Variants in TP73 observed in about 807,000 individuals in gnomAD.
The protein encoded by TP73 is tumor protein p73.
TP73 carries 25 observed loss-of-function variants against 62.5 expected under a neutral mutation model. That is an observed-to-expected ratio of 0.40 (90% CI 0.29 to 0.56). The LOEUF (loss-of-function observed/expected upper bound fraction) is 0.56. TP73 is among the 20% of genes least tolerant of loss of function. The pLI is 0.46. For synonymous variants in TP73, 423 were observed against 377.5 expected, an observed-to-expected ratio of 1.12 and a Z score of -1.40; for missense variants, 754 against 913.3, an observed-to-expected ratio of 0.83 and a Z score of 2.25.
In TP73 at chr1:3,728,326, C is replaced by T. The variant is rs1641850379; in HGVS notation, c.1074+109C>T. The T allele has an allele frequency of 9.6e-6, 11 of 1,143,054 alleles. 1 individual carries two copies. Among genetic ancestry groups the T allele is most frequent in the African/African-American group, 3.1e-5 (2 of 65,366 alleles). The allele number at this position is 1,143,054 out of a possible 1,614,324, so 70.8% of individuals were successfully genotyped here. A position where few individuals can be genotyped will look rare whatever the true frequency, so the allele number is the denominator to read the frequency against. Reference sequence around the variant, plus strand: ...ACTCTGGAGACCATGGTGGAGGGGGCGGGAGGAGCCCAGCCCTGTGTGAGA... The same window carrying T: ...ACTCTGGAGACCATGGTGGAGGGGGTGGGAGGAGCCCAGCCCTGTGTGAGA... On this transcript the variant is annotated intron_variant, in intron 9 of 13. Coordinates refer to ENST00000378295, the MANE Select transcript of TP73 (RefSeq NM_005427.4).
intron 1 of TP73, among the ~76,000 whole-genome samples, chr1:3,658,523 G>C (rs943385371): frequency 1.4e-5 from 2 of 141,096 alleles, no homozygotes; most frequent in Non-Finnish European, 3.1e-5. Flanking sequence ...AAACGTCTGG[G>C]CATAAAGGCT....
chr1:3,698,140 T>A (rs1205747222), intron 3 of TP73: 22 of 985,262 alleles, frequency 2.2e-5, no homozygotes, highest in Non-Finnish European at 2.5e-5. Flanking sequence ...CTGATTCACA[T>A]CTGCAGGACA....
rs1329875512 is a variant in TP73, at chr1:3,729,530, A to G, written c.1196+82A>G. 6 of 1,600,490 alleles carry G rather than the reference A, an allele frequency of 3.7e-6. No individual in the cohort carries two copies. The East Asian group carries it at 1.1e-4, about 30-fold the overall frequency. On this transcript the variant is annotated intron_variant, in intron 10 of 13. Coordinates refer to ENST00000378295, the MANE Select transcript of TP73 (RefSeq NM_005427.4). The stretch of plus-strand genomic sequence containing the variant: ...CAGGAGAAGGCCAGGAGGACCAGAA[A>G]CCCCTCCAGAAGGCATCATCTGCCA...
chr1:3,723,697 C>T lies in TP73; in HGVS notation c.732+228C>T, dbSNP rs866860935. On this transcript the variant is annotated intron_variant, in intron 6 of 13. Transcript: ENST00000378295. Reference sequence around the variant, plus strand: ...TGCTGCTCTGTCCCCACATCCGCCTCGGGCACTCTCGGGGCCTCAGTGTGC... The same window carrying T: ...TGCTGCTCTGTCCCCACATCCGCCTTGGGCACTCTCGGGGCCTCAGTGTGC... Among the ~76,000 whole-genome samples the T allele has an allele frequency of 3.3e-5, 5 of 152,250 alleles. No individual in the cohort carries two copies. The South Asian group carries it at 1.0e-3, about 31-fold the overall frequency.
At chr1:3,688,701 C>G (rs1645729484) in intron 3 of TP73, among the ~76,000 whole-genome samples, 1 of 152,212 alleles carries the variant, frequency 6.6e-6, no homozygotes, top group South Asian at 2.1e-4. Flanking sequence ...CGCTCTGGGG[C>G]AGAGGCCAGT....
At chr1:3,677,715 T>C (rs1645406645) in intron 1 of TP73, among the ~76,000 whole-genome samples, 1 of 148,570 alleles carries the variant, frequency 6.7e-6, no homozygotes, top group South Asian at 2.2e-4. Flanking sequence ...TTTTTTAGAG[T>C]TGTGGTCTAG....
At chr1:3,656,629 G>A (rs1644870902) in intron 1 of TP73, among the ~76,000 whole-genome samples, 1 of 152,184 alleles carries the variant, frequency 6.6e-6, no homozygotes, top group Non-Finnish European at 1.5e-5. Context: ...TACGGGAGTG[G>A]GGACTCCAGC....
At chr1:3,703,185 CAG>C (rs898558259) in intron 3 of TP73, among the ~76,000 whole-genome samples, 4 of 152,222 alleles carry the variant, frequency 2.6e-5, no homozygotes, top group African/African-American at 4.8e-5. Context: ...GGGGGTGTGA[CAG>C]GGGCGGTGAC....
chr1:3,663,437 T>C lies in TP73; in HGVS notation c.-34+10796T>C, dbSNP rs1048902781. ...AGCGTGATGAAAGGATACAGGCGGC[T>C]GGGCGTGGTGGCTCACGCCTGTAAT... On this transcript the variant is annotated intron_variant, in intron 1 of 13. Transcript: ENST00000378295. The surrounding 1 kb of genome is among the most constrained non-coding windows in gnomAD (Gnocchi z 4.7). 6.6e-6 allele frequency among the ~76,000 whole-genome samples: 1 copy of C among 152,164 alleles called. No individual in the cohort carries two copies. The highest frequency in any genetic ancestry group is 1.5e-5 in the Non-Finnish European group (1 of 68,006).
At chr1:3,717,288 C>T (rs1211808303) in intron 4 of TP73, among the ~76,000 whole-genome samples, 1 of 152,130 alleles carries the variant, frequency 6.6e-6, no homozygotes, top group Non-Finnish European at 1.5e-5. Context: ...CCAGGGCTCC[C>T]AGCCAGGCCG....
rs1159020436 is a variant in TP73, at chr1:3,732,773, G to A, written c.1605G>A (p.Glu535=). 1.1e-5 allele frequency: 17 copies of A among 1,592,162 alleles called. No individual in the cohort carries two copies. Among genetic ancestry groups the A allele is most frequent in the South Asian group, 9.0e-5 (8 of 88,944 alleles). The change falls in exon 14 of 14, where the codon GAG becomes GAA. Residue 535 remains glutamate (E), a synonymous_variant. Transcript: ENST00000378295. ...IEDLGALKIP[E]QYRMTIWRGL... is the part of the protein sequence containing the mutation. ...ACCTGGGGGCCCTGAAGATCCCCGA[G>A]CAGTACCGCATGACCATCTGGCGGG...
At chr1:3,727,028 G>C in intron 6 of TP73, 87 bp from the exon 7 acceptor site, 1 of 1,150,586 alleles carries the variant, frequency 8.7e-7, no homozygotes, top group Non-Finnish European at 1.3e-6. Context: ...GTGGAGCCAG[G>C]ACCAGACATG....
At chr1:3,692,900 C>T (rs1044159245) in intron 3 of TP73, among the ~76,000 whole-genome samples, 1 of 152,188 alleles carries the variant, frequency 6.6e-6, no homozygotes, top group Admixed American at 6.5e-5. Context: ...GCAGGAGCTG[C>T]TGGTGTCCAC....
In TP73 at chr1:3,733,187, G is replaced by C; in HGVS notation, c.*108G>C. ...TCAGGAGGCAGGACCTTCGGGCTGTGCCCGGGGAAAGGCAAGGTCCGGCCC... is the reference window on the plus strand; with the variant it reads ...TCAGGAGGCAGGACCTTCGGGCTGTCCCCGGGGAAAGGCAAGGTCCGGCCC... On this transcript the variant is annotated 3_prime_UTR_variant, in exon 14 of 14. Transcript: ENST00000378295. 1 of 1,318,606 alleles carries C rather than the reference G, an allele frequency of 7.6e-7. No homozygotes were observed. The highest frequency in any genetic ancestry group is 2.5e-5 in the East Asian group (1 of 39,336). The allele number at this position is 1,318,606 out of a possible 1,614,324, so 81.7% of individuals were successfully genotyped here.
At chr1:3,695,734 C>T (rs1363647182) in intron 3 of TP73, among the ~76,000 whole-genome samples, 1 of 152,254 alleles carries the variant, frequency 6.6e-6, no homozygotes, top group East Asian at 1.9e-4. Context: ...GGCTACGGAA[C>T]CAAGGGACGC....
intron 1 of TP73, among the ~76,000 whole-genome samples, chr1:3,676,542 C>T (rs959401897): frequency 5.3e-5 from 8 of 151,664 alleles, no homozygotes; most frequent in Middle Eastern, 3.4e-3. Flanking sequence ...CTATGGAAGA[C>T]GAGGCCAGAG....
chr1:3,698,867 G>T (rs946052479), intron 3 of TP73, among the ~76,000 whole-genome samples: 5 of 152,224 alleles, frequency 3.3e-5, no homozygotes, highest in African/African-American at 1.2e-4. Context: ...CTCAGCCGCT[G>T]CGGGCAGGTG....
At chr1:3,704,437 C>T (rs566368146) in intron 3 of TP73, among the ~76,000 whole-genome samples, 18 of 152,258 alleles carry the variant, frequency 1.2e-4, no homozygotes, top group Admixed American at 7.8e-4. Context: ...CCAGGGTCCT[C>T]GTGGGTTCAC....
intron 5 of TP73, among the ~76,000 whole-genome samples, chr1:3,722,454 G>T (rs761286360): frequency 1.7e-4 from 26 of 152,352 alleles, no homozygotes; most frequent in Admixed American, 5.9e-4. Flanking sequence ...GCCTTCTGGG[G>T]CCCCAGAGAT....
Sources: gnomAD v4.1 joint callset for allele counts (sites outside exome capture counted in the v4.1 genomes callset) on GRCh38, gnomAD v4.1.1 for gene constraint, Gnocchi (gnomAD v3.1) non-coding constraint, MANE v1.5 for transcripts, NCBI Gene and HGNC (gene_info 2026-07-23, HGNC 2026-07-21) for gene names.